HYDIN: variants seen among roughly 807,000 people sequenced by gnomAD.
The protein encoded by HYDIN is axonemal central pair apparatus protein HYDIN.
HYDIN carries 132 observed loss-of-function variants against 403.9 expected under a neutral mutation model. The observed-to-expected ratio is 0.33, with a 90% CI of 0.28 to 0.38. The LOEUF is 0.38. HYDIN is among the 10% of genes least tolerant of loss of function. The probability of loss-of-function intolerance (pLI) is 1.00; values close to 1 mark genes in which losing one functional copy is unlikely to be tolerated. For missense variants in HYDIN, 2,827 were observed against 5,009.5 expected, an observed-to-expected ratio of 0.56 and a Z score of 13.15; for synonymous variants, 1,202 against 1,891.7, an observed-to-expected ratio of 0.64 and a Z score of 9.46.
At position 70,943,932 on chromosome 16, in the gene HYDIN, G is replaced by A; in HGVS notation, c.6549C>T (p.Leu2183=). 1 of 1,608,534 alleles carries A rather than the reference G, an allele frequency of 6.2e-7. No individual in the cohort carries two copies. The highest frequency in any genetic ancestry group is 8.5e-7 in the Non-Finnish European group (1 of 1,177,630). The change falls in exon 42 of 86, where the codon CTC becomes CTT. Residue 2183 remains leucine, a synonymous_variant. Coordinates refer to ENST00000393567, the MANE Select transcript of HYDIN (RefSeq NM_001270974.2). Reference sequence around the variant, plus strand: ...GCCAGCGGTGGATGGGCCCCGGGGGGAGAGGGCTGGAGGAAATCTGTTGAG... The same window carrying A: ...GCCAGCGGTGGATGGGCCCCGGGGGAAGAGGGCTGGAGGAAATCTGTTGAG... ...SETPQISSSP[L]PPGPIHRWLS...
At chr16:70,810,886 T>G (rs1296046333) in intron 84 of HYDIN, among the ~76,000 whole-genome samples, 1 of 151,960 alleles carries the variant, frequency 6.6e-6, no homozygotes, top group African/African-American at 2.4e-5. Context: ...GGTGTTGATG[T>G]TGATGATATT....
At chr16:70,916,269 C>G (rs1179207375) in intron 47 of HYDIN, among the ~76,000 whole-genome samples, 2 of 152,158 alleles carry the variant, frequency 1.3e-5, no homozygotes, top group African/African-American at 4.8e-5. Context: ...CCCTGTGATG[C>G]CAGACAGGAA....
intron 75 of HYDIN, among the ~76,000 whole-genome samples, chr16:70,849,021 A>G (rs1457279212): frequency 6.6e-6 from 1 of 152,100 alleles, no homozygotes; most frequent in Non-Finnish European, 1.5e-5. Flanking sequence ...AATAAAAGCT[A>G]TCCCTATGAG....
chr16:70,929,309 AC>A (rs373162427), intron 45 of HYDIN, among the ~76,000 whole-genome samples: 34 of 140,422 alleles, frequency 2.4e-4, no homozygotes, highest in African/African-American at 6.7e-4. Context: ...AAACAAAACA[AC>A]AACAACAACA....
chr16:70,904,193 TAAGA>T, intron 50 of HYDIN, 129 bp from the exon 51 acceptor site: 1 of 485,666 alleles, frequency 2.1e-6, no homozygotes, highest in South Asian at 2.3e-5. Flanking sequence ...GCATGGTGGC[TAAGA>T]ACATGAGATC....
rs986480369 is a variant in HYDIN at position 70,951,191 on chromosome 16, T to C, written c.6531+1230A>G. 2.1e-4 allele frequency among the ~76,000 whole-genome samples: 32 copies of C among 151,166 alleles called. 1 individual carries two copies. Among genetic ancestry groups the C allele is most frequent in the African/African-American group, 7.3e-4 (30 of 41,046 alleles). On this transcript the variant is annotated intron_variant, in intron 41 of 85. Transcript: ENST00000393567. ...TCAAGGCCGCAGTGAACAAAGACTG[T>C]GCCACTGCACTCCAGCCTGGGTGAC...
At chr16:71,196,584 T>C (rs2144693112) in intron 1 of HYDIN, among the ~76,000 whole-genome samples, 1 of 152,230 alleles carries the variant, frequency 6.6e-6, no homozygotes, top group East Asian at 1.9e-4. Flanking sequence ...TGAACCAGGG[T>C]AACTCCATGC....
chr16:70,984,256 G>C (rs1249839080), intron 28 of HYDIN, among the ~76,000 whole-genome samples: 1 of 151,672 alleles, frequency 6.6e-6, no homozygotes, highest in Non-Finnish European at 1.5e-5. Context: ...GCTGGGTGTG[G>C]TGGTGCATGC....
At chr16:71,069,548 C>A in intron 13 of HYDIN, 46 bp from the exon 14 acceptor site, 3 of 1,433,038 alleles carry the variant, frequency 2.1e-6, no homozygotes, top group Non-Finnish European at 1.9e-6. Flanking sequence ...CCCCCAACAC[C>A]TCCCTTGACC....
Position 70,837,839 on chromosome 16 carries a change from C to G in HYDIN, c.13093G>C (p.Val4365Leu). 1 of 1,613,980 alleles carries G rather than the reference C, an allele frequency of 6.2e-7. No homozygotes were observed. Among genetic ancestry groups the G allele is most frequent in the Non-Finnish European group, 8.5e-7 (1 of 1,179,852 alleles). ...GTGTTTCCTGGCTTTACCACATCAA[C>G]ACGGGAGTTCACCTCGAGGTGAGTG... ...NTTHLEVNSR[V>L]DVVKPGNTLE... is the part of the protein sequence containing the mutation. Residue 4365 changes from valine to leucine, a missense_variant, in exon 77 of 86, where the codon GTT becomes CTT. Physicochemically the swap from Val to Leu is conservative, Grantham distance 32. Transcript: ENST00000393567.
chr16:70,930,704 A>C lies in HYDIN; in HGVS notation c.7158+5248T>G, dbSNP rs2077293473. On this transcript the variant is annotated intron_variant, in intron 45 of 85. Coordinates refer to ENST00000393567, the MANE Select transcript of HYDIN (RefSeq NM_001270974.2). ...GCAAACTGGAAGCAATTTGTAATTA[A>C]GGTCTAAAGAATGGAACTGACATCT... 2.6e-5 allele frequency among the ~76,000 whole-genome samples: 4 copies of C among 152,298 alleles called. No homozygotes were observed. The South Asian group carries it at 8.3e-4, about 32-fold the overall frequency.
rs1024266043 is a variant in HYDIN, at chr16:70,971,226, C to T, written c.5380-467G>A. ...ATTAAGCAATGACTCTGGGGATTTA[C>T]GGTAAAAAGACCCCAGCTCCCTTGC... On this transcript the variant is annotated intron_variant, in intron 35 of 85. Coordinates refer to ENST00000393567, the MANE Select transcript of HYDIN (RefSeq NM_001270974.2). 5.3e-5 allele frequency among the ~76,000 whole-genome samples: 8 copies of T among 152,316 alleles called. No homozygotes were observed. In the East Asian group the frequency reaches 5.8e-4, roughly 11 times the overall value.
At chr16:70,861,010 C>G in intron 69 of HYDIN, 109 bp from the exon 70 acceptor site, 3 of 836,280 alleles carry the variant, frequency 3.6e-6, no homozygotes, top group Non-Finnish European at 3.8e-6. Flanking sequence ...TCTATGGGAG[C>G]AGAGGCTGGG....
At position 71,027,598 on chromosome 16, in the gene HYDIN, T is replaced by C. The variant is rs1228407910; in HGVS notation, c.3042+4A>G. On this transcript the variant is annotated splice_donor_region_variant and intron_variant, in intron 20 of 85. Coordinates refer to ENST00000393567, the MANE Select transcript of HYDIN (RefSeq NM_001270974.2). ...AATAGCTTCCAAATGTGCTATCCCC[T>C]TACCCTGGGAGTAGCAGAATAGCCT... 2 of 1,614,080 alleles carry C rather than the reference T, an allele frequency of 1.2e-6. No homozygotes were observed. The highest frequency in any genetic ancestry group is 1.7e-6 in the Non-Finnish European group (2 of 1,180,016).
intron 45 of HYDIN, among the ~76,000 whole-genome samples, chr16:70,922,221 G>A (rs552436571): frequency 6.6e-6 from 1 of 152,294 alleles, no homozygotes; most frequent in South Asian, 2.1e-4. Context: ...CTGCAGGCTG[G>A]CACGGTGCCT....
Position 70,868,697 on chromosome 16 carries a change from C to T in HYDIN, c.11183G>A (p.Cys3728Tyr). 6.2e-7 allele frequency: 1 copy of T among 1,614,148 alleles called. No individual in the cohort carries two copies. Among genetic ancestry groups the T allele is most frequent in the South Asian group, 1.1e-5 (1 of 91,064 alleles). The change falls in exon 66 of 86, where the codon TGC becomes TAC. Residue 3728 changes from cysteine (C) to tyrosine (Y), a missense_variant. Coordinates refer to ENST00000393567, the MANE Select transcript of HYDIN (RefSeq NM_001270974.2). Reference sequence around the variant, plus strand: ...CTGAAACATAATCCTGGAGAGCTTGCACCTGATCCGCATATTCTTTAGGTT... The same window carrying T: ...CTGAAACATAATCCTGGAGAGCTTGTACCTGATCCGCATATTCTTTAGGTT... ...PINLKNMRIR[C>Y]KLSRIMFQLP...
At chr16:70,858,807 A>G (rs1007194962) in intron 71 of HYDIN, among the ~76,000 whole-genome samples, 4 of 152,164 alleles carry the variant, frequency 2.6e-5, no homozygotes, top group African/African-American at 9.7e-5. Flanking sequence ...AGTGGGGGCC[A>G]TGATCCAGGT....
In HYDIN at chr16:71,132,055, C is replaced by T. The variant is rs796754546; in HGVS notation, c.1044-2232G>A. The T allele has an allele frequency of 5.6e-4, 74 of 131,212 alleles. 1 individual carries two copies. In the East Asian group the frequency reaches 0.014, roughly 24 times the overall value. The allele number at this position is 131,212 out of a possible 1,614,324, so 8.1% of individuals were successfully genotyped here. On this transcript the variant is annotated intron_variant, in intron 8 of 85. Transcript: ENST00000393567. ...ATACTTATTAGGGAAAAAATACAGA[C>T]TTAGACATACCAAAATATTGACTGT...
At chr16:71,073,893 G>A (rs1453334574) in intron 13 of HYDIN, among the ~76,000 whole-genome samples, 1 of 152,058 alleles carries the variant, frequency 6.6e-6, no homozygotes, top group Non-Finnish European at 1.5e-5. Flanking sequence ...TTTCTGGGTA[G>A]GTCATCCAAC....
Sources: gnomAD v4.1 joint callset for allele counts (sites outside exome capture counted in the v4.1 genomes callset) on GRCh38, gnomAD v4.1.1 for gene constraint, MANE v1.5 for transcripts, NCBI Gene and HGNC (gene_info 2026-07-23, HGNC 2026-07-21) for gene names.